MMS22L: variants seen among roughly 807,000 people sequenced by gnomAD.
MMS22L encodes the protein MMS22 like, DNA repair protein, also known as protein MMS22-like.
Under a neutral mutation model 159.1 loss-of-function variants are expected in MMS22L, and 74 were observed. That is an observed-to-expected ratio of 0.47 (90% CI 0.39 to 0.56). The LOEUF is 0.56. MMS22L is among the 20% of genes least tolerant of loss of function. The pLI is 0.00. For synonymous variants in MMS22L, 517 were observed against 506.9 expected (o/e 1.02, Z -0.27); for missense variants, 1,351 against 1,422.1 (o/e 0.95, Z 0.80).
chr6:97,193,590 G>A (rs1280123257), intron 14 of MMS22L, among the ~76,000 whole-genome samples: 1 of 152,090 alleles, frequency 6.6e-6, no homozygotes, highest in African/African-American at 2.4e-5. Context: ...AGTTCCCAAT[G>A]TTGACTACCA....
Position 97,228,926 on chromosome 6 carries a change from C to T in MMS22L, c.2007G>A (p.Leu669=), listed in dbSNP as rs1350982975. 2.5e-6 allele frequency: 4 copies of T among 1,613,858 alleles called. No homozygotes were observed. Among genetic ancestry groups the T allele is most frequent in the Non-Finnish European group, 3.4e-6 (4 of 1,179,968 alleles). ...TGGCCAGAACAGCTTGTAGGAAGCT[C>T]AATACTGTCCTAAGTTCAGATTCTC... ...ACRESELRTV[L]SFLQAVLARI... is the part of the protein sequence containing the mutation. Residue 669 remains leucine, a synonymous_variant, in exon 14 of 25, where the codon TTG becomes TTA. Coordinates refer to ENST00000683635, the MANE Select transcript of MMS22L (RefSeq NM_001350599.2).
At chr6:97,183,479 T>C (rs1423525412) in intron 15 of MMS22L, among the ~76,000 whole-genome samples, 1 of 152,200 alleles carries the variant, frequency 6.6e-6, no homozygotes, top group Non-Finnish European at 1.5e-5. Flanking sequence ...AGACTTCAAG[T>C]AGGCTCTTAG....
intron 9 of MMS22L, chr6:97,261,470 A>G (rs940779444): frequency 6.6e-6 from 1 of 152,086 alleles, no homozygotes; most frequent in Admixed American, 6.6e-5. Flanking sequence ...AAGTAAATAT[A>G]TATTCTCTTA....
Position 97,182,116 on chromosome 6 carries a change from C to T in MMS22L, c.2234-62G>A, listed in dbSNP as rs1227970986. 5 of 1,327,168 alleles carry T rather than the reference C, an allele frequency of 3.8e-6. No homozygotes were observed. The South Asian group carries it at 4.6e-5, about 12-fold the overall frequency. The allele number at this position is 1,327,168 out of a possible 1,614,324, so 82.2% of individuals were successfully genotyped here. Reference sequence around the variant, plus strand: ...CTTTAAAAACCATTTCTGACCCACACACCCCTGGCCAATTATAACAAGTGT... The same window carrying T: ...CTTTAAAAACCATTTCTGACCCACATACCCCTGGCCAATTATAACAAGTGT... On this transcript the variant is annotated intron_variant, in intron 15 of 24. Coordinates refer to ENST00000683635, the MANE Select transcript of MMS22L (RefSeq NM_001350599.2).
intron 9 of MMS22L, chr6:97,260,692 T>G (rs1234178843): frequency 6.6e-6 from 1 of 152,218 alleles, no homozygotes; most frequent in Non-Finnish European, 1.5e-5. Flanking sequence ...ACTAAAGTGT[T>G]ATCAAATCTG....
At chr6:97,168,367 A>ATAGAAG in intron 19 of MMS22L, 127 bp from the exon 20 acceptor site, 1 of 712,406 alleles carries the variant, frequency 1.4e-6, no homozygotes, top group East Asian at 2.7e-5. Flanking sequence ...GAAGAGACAT[A>ATAGAAG]TAGTAGAAGT....
intron 18 of MMS22L, among the ~76,000 whole-genome samples, chr6:97,173,576 A>G (rs1485308148): frequency 3.3e-5 from 5 of 152,212 alleles, no homozygotes; most frequent in African/African-American, 7.2e-5. Context: ...TTGGCTCACC[A>G]TATTTCCCAG....
At chr6:97,217,331 C>T (rs1208923415) in intron 14 of MMS22L, among the ~76,000 whole-genome samples, 1 of 152,060 alleles carries the variant, frequency 6.6e-6, no homozygotes, top group Non-Finnish European at 1.5e-5. Flanking sequence ...CTGAAGTCTC[C>T]ACCTCCCAGG....
At chr6:97,176,078 C>G (rs947208337) in intron 18 of MMS22L, among the ~76,000 whole-genome samples, 5 of 152,092 alleles carry the variant, frequency 3.3e-5, no homozygotes, top group African/African-American at 9.7e-5. Context: ...AGAGTCAAAA[C>G]GTAATAAAAT....
chr6:97,250,756 A>G (rs546482830), intron 10 of MMS22L, among the ~76,000 whole-genome samples: 1 of 152,298 alleles, frequency 6.6e-6, no homozygotes, highest in South Asian at 2.1e-4. Flanking sequence ...AAGATTTCAC[A>G]TTAACCTTCA....
rs186658192 is a variant in MMS22L, at chr6:97,144,549, A to G, written c.*2257T>C. 6.6e-6 allele frequency: 1 copy of G among 152,386 alleles called. No individual in the cohort carries two copies. The highest frequency in any genetic ancestry group is 2.4e-5 in the African/African-American group (1 of 41,574). 9.4% of individuals were successfully genotyped at this position (152,386 alleles called of 1,614,324 possible). A position where few individuals can be genotyped will look rare whatever the true frequency, so the allele number is the denominator to read the frequency against. On this transcript the variant is annotated 3_prime_UTR_variant, in exon 25 of 25. Coordinates refer to ENST00000683635, the MANE Select transcript of MMS22L (RefSeq NM_001350599.2). ...TGTCACAGAGAGGACAAAGAACATG[A>G]GAAAGGAGAACAAACTCAGATTTGA...
At chr6:97,249,725 A>T (rs1157558652) in intron 10 of MMS22L, among the ~76,000 whole-genome samples, 2 of 130,404 alleles carry the variant, frequency 1.5e-5, no homozygotes, top group Non-Finnish European at 1.6e-5. Context: ...CCAATAACCA[A>T]TTTTTTTTTT....
chr6:97,189,155 C>T (rs1318959070), intron 14 of MMS22L, among the ~76,000 whole-genome samples: 2 of 150,900 alleles, frequency 1.3e-5, no homozygotes, highest in Admixed American at 6.6e-5. Flanking sequence ...GAAAGGCCAA[C>T]AAATGTGAAC....
intron 6 of MMS22L, chr6:97,270,971 A>T (rs1000189001): frequency 1.3e-5 from 2 of 152,112 alleles, no homozygotes. Flanking sequence ...CTATCTAAAA[A>T]ATTCAAATCG....
rs1582322509 is a variant in MMS22L at position 97,142,230 on chromosome 6, T to A, written c.*4576A>T. On this transcript the variant is annotated 3_prime_UTR_variant, in exon 25 of 25. Coordinates refer to ENST00000683635, the MANE Select transcript of MMS22L (RefSeq NM_001350599.2). Reference sequence around the variant, plus strand: ...TGCACAAATAACTCATAAATATGTATATAAAACTAAAATGTCCACAATTTT... The same window carrying A: ...TGCACAAATAACTCATAAATATGTAAATAAAACTAAAATGTCCACAATTTT... 1 of 151,938 alleles carries A rather than the reference T, an allele frequency of 6.6e-6. No homozygotes were observed. Among genetic ancestry groups the A allele is most frequent in the Non-Finnish European group, 1.5e-5 (1 of 67,844 alleles). The allele number at this position is 151,938 out of a possible 1,614,324, so 9.4% of individuals were successfully genotyped here. A position where few individuals can be genotyped will look rare whatever the true frequency, so the allele number is the denominator to read the frequency against.
intron 14 of MMS22L, among the ~76,000 whole-genome samples, chr6:97,224,683 A>G (rs1331266194): frequency 1.3e-5 from 2 of 151,990 alleles, no homozygotes; most frequent in Non-Finnish European, 2.9e-5. Context: ...AATAGTGGTA[A>G]TAATTTCAGG....
intron 16 of MMS22L, among the ~76,000 whole-genome samples, chr6:97,181,593 A>T (rs1804712650): frequency 6.6e-6 from 1 of 152,142 alleles, no homozygotes; most frequent in Non-Finnish European, 1.5e-5. Context: ...AGTAATAATA[A>T]ATGTGTAATT....
Position 97,168,232 on chromosome 6 carries a change from C to A in MMS22L, c.2848G>T (p.Val950Leu). 6.2e-7 allele frequency: 1 copy of A among 1,612,190 alleles called. No homozygotes were observed. Among genetic ancestry groups the A allele is most frequent in the Non-Finnish European group, 8.5e-7 (1 of 1,179,022 alleles). ...GCAAAGATTTGTGCCCATGATTTCA[C>A]AAGAATTCCTAACAAAGAAGAGAAG... Reference protein sequence around the residue: ...QLTYGMMGILVKSWAQIFATS... With the variant: ...QLTYGMMGILLKSWAQIFATS... Residue 950 changes from valine to leucine, a missense_variant, in exon 20 of 25, where the codon GTG becomes TTG. By Grantham distance (32) the Val-to-Leu change is conservative. Coordinates refer to ENST00000683635, the MANE Select transcript of MMS22L (RefSeq NM_001350599.2).
chr6:97,236,256 G>C (rs539794643), intron 11 of MMS22L, among the ~76,000 whole-genome samples: 2 of 150,726 alleles, frequency 1.3e-5, no homozygotes, highest in African/African-American at 4.9e-5. Context: ...TTGAACCCGG[G>C]AGGAGCCAGA....
Sources: gnomAD v4.1 joint callset for allele counts (sites outside exome capture counted in the v4.1 genomes callset) on GRCh38, gnomAD v4.1.1 for gene constraint, MANE v1.5 for transcripts, NCBI Gene and HGNC (gene_info 2026-07-23, HGNC 2026-07-21) for gene names.